SPTBN1: variants seen among roughly 807,000 people sequenced by gnomAD.
The protein encoded by SPTBN1 is spectrin beta, non-erythrocytic 1, also known as spectrin beta chain, non-erythrocytic 1.
SPTBN1 carries 32 observed loss-of-function variants against 266.4 expected under a neutral mutation model. The observed-to-expected ratio is 0.12, with a 90% CI of 0.09 to 0.16. SPTBN1 has a LOEUF of 0.16. SPTBN1 is among the 10% of genes least tolerant of loss of function. The pLI is 1.00. For synonymous variants in SPTBN1, 1,336 were observed against 1,162.2 expected (o/e 1.15, Z -3.04); for missense variants, 2,296 against 3,067.1 (o/e 0.75, Z 5.94).
At chr2:54,513,395 A>G (rs1011091064) in intron 1 of SPTBN1, among the ~76,000 whole-genome samples, 2 of 152,096 alleles carry the variant, frequency 1.3e-5, no homozygotes, top group Admixed American at 1.3e-4. Flanking sequence ...GGATTTTGGC[A>G]TTGGGTTGCT....
Position 54,599,195 on chromosome 2 carries a change from T to A in SPTBN1, c.252T>A (p.Asp84Glu). The change falls in exon 3 of 36, where the codon GAT becomes GAA. Residue 84 changes from aspartate to glutamate, a missense_variant. Transcript: ENST00000356805. ...CAGACCTGTACACTGACCTTCGAGATGGACGGATGCTCATCAAGCTGCTGG... is the reference window on the plus strand; with the variant it reads ...CAGACCTGTACACTGACCTTCGAGAAGGACGGATGCTCATCAAGCTGCTGG... Reference protein sequence around the residue: ...RITDLYTDLRDGRMLIKLLEV... With the variant: ...RITDLYTDLREGRMLIKLLEV... 1.2e-6 allele frequency: 2 copies of A among 1,614,196 alleles called. No individual in the cohort carries two copies. Among genetic ancestry groups the A allele is most frequent in the Non-Finnish European group, 1.7e-6 (2 of 1,180,030 alleles).
chr2:54,573,903 G>A (rs536419646), intron 2 of SPTBN1, among the ~76,000 whole-genome samples: 1 of 145,122 alleles, frequency 6.9e-6, no homozygotes, highest in South Asian at 2.1e-4. Flanking sequence ...TTTATGGGAG[G>A]GGGGTGCTTT....
rs1289028299 is a variant in SPTBN1, at chr2:54,540,979, G to A, written c.148+14413G>A. 1.3e-5 allele frequency among the ~76,000 whole-genome samples: 2 copies of A among 152,210 alleles called. No individual in the cohort carries two copies. The highest frequency in any genetic ancestry group is 2.9e-5 in the Non-Finnish European group (2 of 68,040). ...GAATGTTGTCGTCGTTTTAACTGAT[G>A]TGTAATTTAAGCCTTTTTTCCTGTG... On this transcript the variant is annotated intron_variant, in intron 2 of 35. Transcript: ENST00000356805. This position sits in a 1 kb window ranked among gnomAD's most constrained non-coding sequence, Gnocchi z 5.6.
At chr2:54,590,522 A>G (rs1675603551) in intron 2 of SPTBN1, among the ~76,000 whole-genome samples, 1 of 152,240 alleles carries the variant, frequency 6.6e-6, no homozygotes, top group African/African-American at 2.4e-5. Context: ...AATTGAAGAG[A>G]TAGGACACAA....
chr2:54,642,093 T>C (rs192366984), intron 18 of SPTBN1, among the ~76,000 whole-genome samples: 2 of 152,348 alleles, frequency 1.3e-5, no homozygotes, highest in African/African-American at 4.8e-5. Context: ...CAAAAAGCTC[T>C]TCCTAGGTTA....
At chr2:54,501,139 G>A (rs7588499) in intron 1 of SPTBN1, among the ~76,000 whole-genome samples, 71,881 of 152,020 alleles carry the variant, frequency 0.47, 18,018 homozygotes, top group East Asian at 0.58. Context: ...AGGCTAGGCA[G>A]CTGCAGAGAG....
chr2:54,642,836 C>A, intron 18 of SPTBN1, 147 bp from the exon 19 acceptor site: 1 of 963,456 alleles, frequency 1.0e-6, no homozygotes, highest in Non-Finnish European at 1.5e-6. Flanking sequence ...CATGACGGGT[C>A]AGAGTTGTGA....
rs759488589 is a variant in SPTBN1, at chr2:54,475,157, G to A, written c.-48+18639G>A. ...GGAGGCAGAGGTTGCAGTGAGCTGA[G>A]ATCGCGCCACTGCACTCCAGCCTGG... On this transcript the variant is annotated intron_variant, in intron 1 of 35. Coordinates refer to ENST00000356805, the MANE Select transcript of SPTBN1 (RefSeq NM_003128.3). Among the ~76,000 whole-genome samples, 53 of 152,222 alleles carry A rather than the reference G, an allele frequency of 3.5e-4. 2 individuals are homozygous for A. Among genetic ancestry groups the A allele is most frequent in the Non-Finnish European group, 7.3e-5 (5 of 68,038 alleles).
At chr2:54,462,410 C>T (rs1327256971) in intron 1 of SPTBN1, among the ~76,000 whole-genome samples, 3 of 152,210 alleles carry the variant, frequency 2.0e-5, no homozygotes, top group Non-Finnish European at 2.9e-5. Context: ...AAACCCTTAT[C>T]AGTTTAGGTT....
At chr2:54,528,541 A>G (rs549804105) in intron 2 of SPTBN1, 3 of 152,420 alleles carry the variant, frequency 2.0e-5, no homozygotes, top group East Asian at 3.9e-4. Context: ...AGTTAATCCC[A>G]TAACAATCAT....
intron 2 of SPTBN1, among the ~76,000 whole-genome samples, chr2:54,559,654 G>A (rs1029370729): frequency 1.3e-5 from 2 of 152,130 alleles, no homozygotes; most frequent in Admixed American, 1.3e-4. Flanking sequence ...TCCCTGCCCA[G>A]CCAGCAGGCC....
intron 17 of SPTBN1, among the ~76,000 whole-genome samples, chr2:54,635,350 C>T (rs1397924111): frequency 2.0e-5 from 3 of 152,200 alleles, no homozygotes; most frequent in Admixed American, 6.5e-5. Context: ...TCTGAGTCAG[C>T]GGCAGTCCCA....
In SPTBN1 at chr2:54,646,832, T is replaced by G. The variant is rs1679955486; in HGVS notation, c.4867-299T>G. ...TCCAGGAATGCTGCCATTTACATAC[T>G]TGAGGGACCTTGAGGAATTCCAGCG... On this transcript the variant is annotated intron_variant, in intron 23 of 35. Coordinates refer to ENST00000356805, the MANE Select transcript of SPTBN1 (RefSeq NM_003128.3). The surrounding 1 kb of genome is among the most constrained non-coding windows in gnomAD (Gnocchi z 4.4). Among the ~76,000 whole-genome samples the G allele has an allele frequency of 6.6e-6, 1 of 152,184 alleles. No homozygotes were observed. The highest frequency in any genetic ancestry group is 1.5e-5 in the Non-Finnish European group (1 of 68,014).
intron 18 of SPTBN1, among the ~76,000 whole-genome samples, chr2:54,639,756 C>T (rs562996000): frequency 6.6e-6 from 1 of 152,340 alleles, no homozygotes; most frequent in South Asian, 2.1e-4. Context: ...GAGTTCTCTC[C>T]TCCACACACA....
chr2:54,659,014 G>A (rs1315643034), intron 30 of SPTBN1, 140 bp from the exon 31 acceptor site: 1 of 779,044 alleles, frequency 1.3e-6, no homozygotes, highest in African/African-American at 1.7e-5. Context: ...AATTCCATTT[G>A]GCTCAGGATG....
intron 4 of SPTBN1, among the ~76,000 whole-genome samples, chr2:54,614,426 G>C (rs1037800595): frequency 2.0e-5 from 3 of 152,072 alleles, no homozygotes; most frequent in Non-Finnish European, 4.4e-5. Flanking sequence ...ATTGCTACCA[G>C]GATATGGCCT....
intron 3 of SPTBN1, 26 bp downstream of exon 3, chr2:54,599,269 G>A (rs1433290707): frequency 2.0e-5 from 33 of 1,610,840 alleles, no homozygotes; most frequent in African/African-American, 2.7e-5. Flanking sequence ...AGGAAGTGCC[G>A]TGTGTTGTAG....
chr2:54,549,784 AC>A lies in SPTBN1; in HGVS notation c.148+23219del, dbSNP rs372748025. Among the ~76,000 whole-genome samples the A allele has an allele frequency of 6.0e-4, 91 of 152,176 alleles. 1 individual carries two copies. The highest frequency in any genetic ancestry group is 1.7e-3 in the African/African-American group (72 of 41,530). On this transcript the variant is annotated intron_variant, in intron 2 of 35. Transcript: ENST00000356805. ...TGAGCTGGGCTTGAAGGATGAATGGACTTGGGACTAAAAGGTGAGGGGAGGG... is the reference window on the plus strand; with the variant it reads ...TGAGCTGGGCTTGAAGGATGAATGGATTGGGACTAAAAGGTGAGGGGAGGG...
chr2:54,566,799 C>T (rs1392452355), intron 2 of SPTBN1, among the ~76,000 whole-genome samples: 1 of 151,990 alleles, frequency 6.6e-6, no homozygotes, highest in Non-Finnish European at 1.5e-5. Flanking sequence ...CCACTGCACT[C>T]CAGCCTGGGC....
Sources: allele counts gnomAD v4.1 joint callset (sites outside exome capture counted in the v4.1 genomes callset), GRCh38; gene constraint gnomAD v4.1.1; non-coding constraint Gnocchi (gnomAD v3.1); transcripts MANE v1.5; gene names NCBI Gene and HGNC (gene_info 2026-07-23, HGNC 2026-07-21).